Variants in CARS2 observed in about 807,000 individuals in gnomAD.
CARS2 encodes cysteinyl-tRNA synthetase 2, mitochondrial.
CARS2 carries 52 observed loss-of-function variants against 68.8 expected under a neutral mutation model. The ratio of observed to expected loss-of-function variants is 0.76; its 90% CI spans 0.61 to 0.95. CARS2 has a LOEUF of 0.95. Among genes scored for constraint, CARS2 ranks in the 40% least tolerant of loss-of-function variants. The pLI is 0.00. For synonymous variants in CARS2, 314 were observed against 303.6 expected, an observed-to-expected ratio of 1.03 and a Z score of -0.36; for missense variants, 780 against 754.2, an observed-to-expected ratio of 1.03 and a Z score of -0.40.
intron 7 of CARS2, among the ~76,000 whole-genome samples, chr13:110,671,707 C>T (rs2062807764): frequency 6.6e-6 from 1 of 152,158 alleles, no homozygotes; most frequent in African/African-American, 2.4e-5. Flanking sequence ...CAAATTCACG[C>T]ATAACAATAT....
chr13:110,647,374 C>T (rs971062270), intron 10 of CARS2, 135 bp from the exon 11 acceptor site: 1 of 1,069,324 alleles, frequency 9.4e-7, no homozygotes, highest in African/African-American at 1.6e-5. Context: ...GCTCTCACGC[C>T]CTCCAGTGAC....
chr13:110,672,315 G>T (rs2062824929), intron 7 of CARS2, among the ~76,000 whole-genome samples: 1 of 152,186 alleles, frequency 6.6e-6, no homozygotes, highest in Non-Finnish European at 1.5e-5. Context: ...ATATTTGGAA[G>T]TAAAGCACTC....
chr13:110,663,995 C>T, intron 8 of CARS2: 1 of 987,808 alleles, frequency 1.0e-6, no homozygotes, highest in Non-Finnish European at 1.2e-6. Context: ...AATCAGAGGT[C>T]CTGTTGCAGT....
intron 9 of CARS2, among the ~76,000 whole-genome samples, chr13:110,657,513 T>TCCTC (rs1340365492): frequency 6.6e-6 from 1 of 152,180 alleles, no homozygotes; most frequent in Non-Finnish European, 1.5e-5. Context: ...CCTGGCTAAA[T>TCCTC]CCGGGATGAT....
At chr13:110,660,148 G>A (rs141904933) in intron 9 of CARS2, among the ~76,000 whole-genome samples, 475 of 152,284 alleles carry the variant, frequency 3.1e-3, no homozygotes, top group Non-Finnish European at 4.3e-3. Context: ...GCAACTCCTC[G>A]TTTGTTCAAC....
At chr13:110,685,003 C>A (rs1471340363) in intron 5 of CARS2, among the ~76,000 whole-genome samples, 2 of 152,024 alleles carry the variant, frequency 1.3e-5, no homozygotes, top group Non-Finnish European at 2.9e-5. Context: ...AGTAACAAAA[C>A]AACAAACAGC....
At chr13:110,654,761 T>C (rs28683030) in intron 9 of CARS2, among the ~76,000 whole-genome samples, 31,673 of 149,886 alleles carry the variant, frequency 0.21, 3,868 homozygotes, top group Admixed American at 0.31. Context: ...CTAGAAAAAA[T>C]ACAAAATCAG....
chr13:110,706,120 C>CG, upstream of CARS2: 1 of 1,286,538 alleles, frequency 7.8e-7, no homozygotes, highest in Non-Finnish European at 9.8e-7. Context: ...TACGACTGGG[C>CG]GGAGACGGGA....
intron 11 of CARS2, 83 bp from the exon 12 acceptor site, chr13:110,646,173 G>A: frequency 6.8e-7 from 1 of 1,470,022 alleles, no homozygotes; most frequent in Non-Finnish European, 9.1e-7. Context: ...TCCCCAGGGA[G>A]AGACGCTGGG....
In CARS2 at chr13:110,706,010, C is replaced by G. The variant is rs1388391654; in HGVS notation, c.84G>C (p.Trp28Cys). The G allele has an allele frequency of 3.4e-6, 5 of 1,456,938 alleles. No individual in the cohort carries two copies. The highest frequency in any genetic ancestry group is 4.5e-6 in the Non-Finnish European group (5 of 1,109,782). The allele number at this position is 1,456,938 out of a possible 1,614,324, so 90.3% of individuals were successfully genotyped here. A position where few individuals can be genotyped will look rare whatever the true frequency, so the allele number is the denominator to read the frequency against. ...ALGLGRAGWH[W>C]PAGRAASGGR... ...CCCCGCTCGCCGCCCGGCCCGCAGGCCAGTGCCACCCAGCCCGCCCAAGGC... is the reference window on the plus strand; with the variant it reads ...CCCCGCTCGCCGCCCGGCCCGCAGGGCAGTGCCACCCAGCCCGCCCAAGGC... The change falls in exon 1 of 15, where the codon TGG becomes TGC. Residue 28 changes from tryptophan to cysteine, a missense_variant. Trp to Cys is a radical substitution (Grantham distance 215). Transcript: ENST00000257347.
upstream of CARS2, among the ~76,000 whole-genome samples, chr13:110,707,028 TAC>T (rs1481527821): frequency 1.3e-5 from 2 of 149,796 alleles, no homozygotes; most frequent in African/African-American, 2.5e-5. Flanking sequence ...TGCACCCCAG[TAC>T]AGTGTACACC....
chr13:110,657,529 C>T (rs527386837), intron 9 of CARS2, among the ~76,000 whole-genome samples: 2 of 152,320 alleles, frequency 1.3e-5, no homozygotes, highest in African/African-American at 2.4e-5. Flanking sequence ...ATGATTTCAA[C>T]ACCCAAAAGA....
Position 110,705,954 on chromosome 13 carries a change from C to T in CARS2, c.140G>A (p.Gly47Asp). The T allele has an allele frequency of 6.4e-7, 1 of 1,551,918 alleles. No homozygotes were observed. Among genetic ancestry groups the T allele is most frequent in the Non-Finnish European group, 8.7e-7 (1 of 1,152,360 alleles). ...GTACACCTGCACACCCGTCTCCCGG[C>T]CCGTGGGCTGCAGCCAGGCCCGCCC... ...GRGRAWLQPT[G>D]RETGVQVYNS... Residue 47 changes from glycine (G) to aspartate (D), a missense_variant, in exon 1 of 15, where the codon GGC (glycine) becomes GAC (aspartate). Physicochemically the swap from Gly to Asp is moderately conservative, Grantham distance 94. Coordinates refer to ENST00000257347, the MANE Select transcript of CARS2 (RefSeq NM_024537.4). This position sits in a 1 kb window ranked among gnomAD's most constrained non-coding sequence, Gnocchi z 4.0.
At chr13:110,671,946 C>T (rs2062814907) in intron 7 of CARS2, among the ~76,000 whole-genome samples, 1 of 152,076 alleles carries the variant, frequency 6.6e-6, no homozygotes, top group Admixed American at 6.5e-5. Flanking sequence ...TTTAAACCAA[C>T]AAAGATCAAA....
At chr13:110,675,562 G>A (rs955332455) in intron 7 of CARS2, among the ~76,000 whole-genome samples, 7 of 152,118 alleles carry the variant, frequency 4.6e-5, no homozygotes, top group Non-Finnish European at 8.8e-5. Flanking sequence ...CTGTCATGGG[G>A]TGGGGGAGTG....
chr13:110,702,993 A>G (rs968540853), intron 2 of CARS2, among the ~76,000 whole-genome samples: 16 of 152,104 alleles, frequency 1.1e-4, no homozygotes, highest in African/African-American at 3.9e-4. Flanking sequence ...TCCGTCTACC[A>G]TGGCATGAAA....
At chr13:110,652,229 A>G (rs1229654108) in intron 9 of CARS2, among the ~76,000 whole-genome samples, 1 of 152,242 alleles carries the variant, frequency 6.6e-6, no homozygotes, top group Admixed American at 6.5e-5. Context: ...AGGGGCTGAC[A>G]CCAACCCACA....
In CARS2 at chr13:110,641,586, G is replaced by A. The variant is rs371625448; in HGVS notation, c.1646C>T (p.Thr549Met). 38 of 1,613,798 alleles carry A rather than the reference G, an allele frequency of 2.4e-5. No homozygotes were observed. The highest frequency in any genetic ancestry group is 1.2e-4 in the South Asian group (11 of 91,088). Residue 549 changes from threonine to methionine, a missense_variant, in exon 15 of 15, where the codon ACG becomes ATG. Coordinates refer to ENST00000257347, the MANE Select transcript of CARS2 (RefSeq NM_024537.4). ...NIKDRSSTTSTWELLDQRTKD... is the reference protein window; with the variant it reads ...NIKDRSSTTSMWELLDQRTKD... ...TGTCCTTTGATCCAGCAGTTCCCAC[G>A]TGGATGTTGTACTGCTTCTGTCCTG...
At position 110,705,987 on chromosome 13, in the gene CARS2, C is replaced by T. The variant is rs1271844931; in HGVS notation, c.107G>A (p.Gly36Glu). 3 of 1,504,766 alleles carry T rather than the reference C, an allele frequency of 2.0e-6. No homozygotes were observed. The highest frequency in any genetic ancestry group is 5.3e-5 in the East Asian group (2 of 37,576). The allele number at this position is 1,504,766 out of a possible 1,614,324, so 93.2% of individuals were successfully genotyped here. The change falls in exon 1 of 15, where the codon GGG becomes GAG. Residue 36 changes from glycine (G) to glutamate (E), a missense_variant. Transcript: ENST00000257347. This position sits in a 1 kb window ranked among gnomAD's most constrained non-coding sequence, Gnocchi z 4.0. ...CTGCAGCCAGGCCCGCCCGCGCCCC[C>T]CGCTCGCCGCCCGGCCCGCAGGCCA... ...WHWPAGRAAS[G>E]GRGRAWLQPT...
Sources: gnomAD v4.1 joint callset for allele counts (sites outside exome capture counted in the v4.1 genomes callset) on GRCh38, gnomAD v4.1.1 for gene constraint, Gnocchi (gnomAD v3.1) non-coding constraint, MANE v1.5 for transcripts, NCBI Gene and HGNC (gene_info 2026-07-23, HGNC 2026-07-21) for gene names.